MAGI2: variants seen among roughly 807,000 people sequenced by gnomAD.
The protein encoded by MAGI2 is membrane-associated guanylate kinase, WW and PDZ domain-containing protein 2.
A neutral mutation model predicts 133.3 loss-of-function variants in MAGI2; 35 were observed. The ratio of observed to expected loss-of-function variants is 0.26; its 90% confidence interval spans 0.20 to 0.35. The LOEUF (loss-of-function observed/expected upper bound fraction) is 0.35, where lower values mean the gene tolerates loss of function less well. MAGI2 is among the 10% of genes least tolerant of loss of function. The pLI is 1.00. For synonymous variants in MAGI2, 729 were observed against 710.6 expected, an observed-to-expected ratio of 1.03 and a Z score of -0.41; for missense variants, 1,636 against 1,863.4, an observed-to-expected ratio of 0.88 and a Z score of 2.25.
chr7:78,020,086 G>T (rs1584851480), intron 21 of MAGI2, 110 bp from the exon 22 acceptor site: 1 of 986,450 alleles, frequency 1.0e-6, no homozygotes. Context: ...TCAGGGGCCG[G>T]AGCCACCGCC....
chr7:78,832,129 C>G (rs1791221828), intron 2 of MAGI2, among the ~76,000 whole-genome samples: 1 of 150,776 alleles, frequency 6.6e-6, no homozygotes, highest in South Asian at 2.1e-4. Flanking sequence ...CATGATGAAC[C>G]CTAACTAAAG....
At chr7:78,757,313 C>T in intron 2 of MAGI2, among the ~76,000 whole-genome samples, 1 of 150,712 alleles carries the variant, frequency 6.6e-6, no homozygotes, top group African/African-American at 2.4e-5. Flanking sequence ...CCTTCTCTCT[C>T]TCTCTCTCTC....
chr7:79,441,731 C>T (rs561469675), intron 1 of MAGI2, among the ~76,000 whole-genome samples: 5 of 152,088 alleles, frequency 3.3e-5, no homozygotes, highest in African/African-American at 1.2e-4. Flanking sequence ...TCCACTTAAA[C>T]TTAGTTTTAG....
At chr7:79,261,540 A>G (rs1585360373) in intron 1 of MAGI2, among the ~76,000 whole-genome samples, 1 of 152,222 alleles carries the variant, frequency 6.6e-6, no homozygotes, top group South Asian at 2.1e-4. Flanking sequence ...AAGTTGCTCA[A>G]ATGCCATCTT....
intron 1 of MAGI2, among the ~76,000 whole-genome samples, chr7:79,431,983 T>C (rs1247519719): frequency 6.6e-6 from 1 of 152,220 alleles, no homozygotes; most frequent in Non-Finnish European, 1.5e-5. Flanking sequence ...TTAACTAATA[T>C]GATTTTAAAA....
At chr7:79,298,893 G>A (rs1233626491) in intron 1 of MAGI2, among the ~76,000 whole-genome samples, 1 of 152,134 alleles carries the variant, frequency 6.6e-6, no homozygotes. Flanking sequence ...ACGCCAAGAA[G>A]AGAAGCCTCA....
At position 79,195,983 on chromosome 7, in the gene MAGI2, G is replaced by A. The variant is rs569536849; in HGVS notation, c.302-188777C>T. ...GAAGTGGTTGGGCATCGGGGGTTGAGGAGATATTGGTCAGAGGAATAAGTT... is the reference window on the plus strand; with the variant it reads ...GAAGTGGTTGGGCATCGGGGGTTGAAGAGATATTGGTCAGAGGAATAAGTT... On this transcript the variant is annotated intron_variant, in intron 1 of 21. Transcript: ENST00000354212. Among the ~76,000 whole-genome samples the A allele has an allele frequency of 2.0e-5, 3 of 151,918 alleles. No individual in the cohort carries two copies. The South Asian group carries it at 6.2e-4, about 32-fold the overall frequency.
chr7:79,007,145 C>A lies in MAGI2; in HGVS notation c.363G>T (p.Val121=), dbSNP rs17151806. Reference sequence around the variant, plus strand: ...GAATGATTTGCTGAAGCTCATGGTCCACAGAACCCTTTTGAAATCGTAAGT... The same window carrying A: ...GAATGATTTGCTGAAGCTCATGGTCAACAGAACCCTTTTGAAATCGTAAGT... ...YLNLRFQKGS[V]DHELQQIIRD... is the part of the protein sequence containing the mutation. The change falls in exon 2 of 22, where the codon GTG becomes GTT. Residue 121 remains valine (V), a synonymous_variant. Transcript: ENST00000354212. The A allele has an allele frequency of 5.4e-5, 87 of 1,613,512 alleles. No homozygotes were observed. The African/African-American group carries it at 1.1e-3, about 20-fold the overall frequency.
At chr7:78,810,413 T>C (rs1227583585) in intron 2 of MAGI2, among the ~76,000 whole-genome samples, 4 of 152,156 alleles carry the variant, frequency 2.6e-5, no homozygotes, top group African/African-American at 9.7e-5. Flanking sequence ...CTTGCCAAAG[T>C]ATAATCTTAT....
At chr7:78,573,854 C>T (rs1801993266) in intron 3 of MAGI2, among the ~76,000 whole-genome samples, 1 of 152,042 alleles carries the variant, frequency 6.6e-6, no homozygotes, top group Non-Finnish European at 1.5e-5. Flanking sequence ...GAAGAATCCT[C>T]CAGTTTCTTT....
At chr7:79,347,276 A>G (rs1841391502) in intron 1 of MAGI2, among the ~76,000 whole-genome samples, 1 of 152,018 alleles carries the variant, frequency 6.6e-6, no homozygotes. Context: ...TGTCAAATCT[A>G]TATTTAATTC....
rs74655362 is a variant in MAGI2, at chr7:78,171,292, T to C, written c.2404-3184A>G. 1.1e-3 allele frequency among the ~76,000 whole-genome samples: 166 copies of C among 152,356 alleles called. 3 individuals carry two copies. The East Asian group carries it at 0.024, about 22-fold the overall frequency. ...TCATATTGGTTTCCCAATGCATACATTCTCATGTTGCTTAAGCTTTTGCGA... is the reference window on the plus strand; with the variant it reads ...TCATATTGGTTTCCCAATGCATACACTCTCATGTTGCTTAAGCTTTTGCGA... On this transcript the variant is annotated intron_variant, in intron 14 of 21. Transcript: ENST00000354212.
chr7:78,921,468 T>C (rs564842281), intron 2 of MAGI2, among the ~76,000 whole-genome samples: 4 of 152,270 alleles, frequency 2.6e-5, no homozygotes, highest in Non-Finnish European at 4.4e-5. Flanking sequence ...GGCTCTTCTG[T>C]AGATTGTGAT....
intron 9 of MAGI2, among the ~76,000 whole-genome samples, chr7:78,307,879 T>C (rs906951191): frequency 1.3e-5 from 2 of 152,136 alleles, no homozygotes; most frequent in Admixed American, 6.5e-5. Context: ...GAGGAGTCTT[T>C]GAAAAGAGGG....
At chr7:78,600,202 G>A (rs1161760507) in intron 3 of MAGI2, among the ~76,000 whole-genome samples, 1 of 151,900 alleles carries the variant, frequency 6.6e-6, no homozygotes, top group Non-Finnish European at 1.5e-5. Flanking sequence ...CCCCTCTCCT[G>A]TCTCCAAAGC....
chr7:79,213,744 T>G (rs901858344), intron 1 of MAGI2, among the ~76,000 whole-genome samples: 3 of 152,086 alleles, frequency 2.0e-5, no homozygotes, highest in Non-Finnish European at 4.4e-5. Flanking sequence ...CTAACATTGC[T>G]ATCACACACA....
chr7:79,017,300 G>A (rs1207165928), intron 1 of MAGI2, among the ~76,000 whole-genome samples: 4 of 152,270 alleles, frequency 2.6e-5, no homozygotes, highest in Non-Finnish European at 5.9e-5. Flanking sequence ...TAGAGTTAGA[G>A]CACACAGTTC....
intron 1 of MAGI2, among the ~76,000 whole-genome samples, chr7:79,203,265 C>G (rs2129552076): frequency 6.6e-6 from 1 of 152,042 alleles, no homozygotes; most frequent in Non-Finnish European, 1.5e-5. Flanking sequence ...AATAATCTTC[C>G]AAATAACAAA....
At chr7:79,351,201 T>C (rs1841667316) in intron 1 of MAGI2, among the ~76,000 whole-genome samples, 1 of 152,178 alleles carries the variant, frequency 6.6e-6, no homozygotes, top group Non-Finnish European at 1.5e-5. Context: ...CATATATGTC[T>C]GACATTTGAA....
Sources: allele counts gnomAD v4.1 joint callset (sites outside exome capture counted in the v4.1 genomes callset), GRCh38; gene constraint gnomAD v4.1.1; transcripts MANE v1.5; gene names NCBI Gene and HGNC (gene_info 2026-07-23, HGNC 2026-07-21).